The following DPP6 variants were observed in gnomAD, a reference collection of about 807,000 sequenced individuals.
The protein encoded by DPP6 is A-type potassium channel modulatory protein DPP6.
A neutral mutation model predicts 122.6 loss-of-function variants in DPP6; 69 were observed. The observed-to-expected ratio is 0.56, with a 90% CI of 0.46 to 0.69. The LOEUF (loss-of-function observed/expected upper bound fraction) is 0.69, where lower values mean the gene tolerates loss of function less well. DPP6 is among the 30% of genes least tolerant of loss of function. The pLI is 0.00. For synonymous variants in DPP6, 418 were observed against 433.1 expected (o/e 0.97, Z 0.43); for missense variants, 928 against 1,116.9 (o/e 0.83, Z 2.41).
intron 1 of DPP6, among the ~76,000 whole-genome samples, chr7:154,401,338 A>G (rs1815579713): frequency 6.6e-6 from 1 of 152,232 alleles, no homozygotes; most frequent in African/African-American, 2.4e-5. Context: ...ACATTTTAAA[A>G]TAATGACAAC....
chr7:154,847,612 C>A (rs540282228), intron 16 of DPP6, among the ~76,000 whole-genome samples: 4 of 152,168 alleles, frequency 2.6e-5, no homozygotes, highest in Admixed American at 1.3e-4. Flanking sequence ...GTGGAATGAT[C>A]AAATCAGGCT....
chr7:154,869,835 GCCCCCA>G (rs58787412), intron 18 of DPP6, among the ~76,000 whole-genome samples: 3,212 of 107,870 alleles, frequency 0.03, 91 homozygotes, highest in African/African-American at 0.1. Flanking sequence ...ATCCGCTCCC[GCCCCCA>G]CCCCCACCCC....
intron 1 of DPP6, among the ~76,000 whole-genome samples, chr7:153,920,563 C>CTCTTTTTTT (rs1163238891): frequency 9.0e-5 from 8 of 88,688 alleles, no homozygotes; most frequent in African/African-American, 3.7e-4. Context: ...TTATCTCTCT[C>CTCTTTTTTT]TTTTTTTTTT....
intron 1 of DPP6, among the ~76,000 whole-genome samples, chr7:154,357,004 G>A: frequency 6.6e-6 from 1 of 152,060 alleles, no homozygotes; most frequent in East Asian, 1.9e-4. Flanking sequence ...ATAATTAAAA[G>A]TTTATTGGAC....
intron 5 of DPP6, among the ~76,000 whole-genome samples, chr7:154,631,590 A>C (rs1400133941): frequency 1.3e-5 from 2 of 151,896 alleles, no homozygotes; most frequent in Non-Finnish European, 2.9e-5. Flanking sequence ...TCACTTGAGC[A>C]TGGGAGGCAG....
chr7:153,985,245 G>T (rs1796782961), intron 1 of DPP6, among the ~76,000 whole-genome samples: 1 of 152,228 alleles, frequency 6.6e-6, no homozygotes, highest in Non-Finnish European at 1.5e-5. Flanking sequence ...GAGACACTTT[G>T]AAGGGGTACA....
intron 3 of DPP6, among the ~76,000 whole-genome samples, chr7:154,509,105 A>C (rs1475279438): frequency 6.6e-6 from 1 of 152,174 alleles, no homozygotes; most frequent in Non-Finnish European, 1.5e-5. Flanking sequence ...AAAAAGCAAA[A>C]ACAACAAAAG....
chr7:154,192,142 T>G (rs1242215434), intron 1 of DPP6, among the ~76,000 whole-genome samples: 1 of 152,236 alleles, frequency 6.6e-6, no homozygotes, highest in African/African-American at 2.4e-5. Context: ...TAGTTCAAGA[T>G]GCCTTGTCTT....
At chr7:154,650,110 A>G (rs1379788810) in intron 6 of DPP6, among the ~76,000 whole-genome samples, 1 of 152,210 alleles carries the variant, frequency 6.6e-6, no homozygotes, top group East Asian at 1.9e-4. Flanking sequence ...TCTTGAGCCC[A>G]GGAGTTTGAG....
intron 1 of DPP6, among the ~76,000 whole-genome samples, chr7:154,351,530 CCACCTG>C (rs574135579): frequency 6.6e-6 from 1 of 152,164 alleles, no homozygotes; most frequent in Non-Finnish European, 1.5e-5. Flanking sequence ...GTCAGCACCC[CCACCTG>C]CACCTGCACC....
chr7:154,252,138 T>C (rs1249310475), intron 1 of DPP6, among the ~76,000 whole-genome samples: 1 of 152,214 alleles, frequency 6.6e-6, no homozygotes, highest in Non-Finnish European at 1.5e-5. Flanking sequence ...ACACATCCTA[T>C]TGGTTGTATT....
intron 1 of DPP6, among the ~76,000 whole-genome samples, chr7:154,118,003 A>G (rs1807123387): frequency 6.6e-6 from 1 of 151,264 alleles, no homozygotes. Context: ...GAGAAGAACT[A>G]CAATCTGGTT....
At chr7:153,827,737 A>C in the DPP6 span, among the ~76,000 whole-genome samples, 1 of 152,040 alleles carries the variant, frequency 6.6e-6, no homozygotes, top group Admixed American at 6.5e-5. Context: ...GCCAGGCTGC[A>C]ATGTGGCCCC....
chr7:154,141,538 A>C (rs939268049), intron 1 of DPP6, among the ~76,000 whole-genome samples: 2 of 152,216 alleles, frequency 1.3e-5, no homozygotes, highest in African/African-American at 4.8e-5. Flanking sequence ...TTAATCAGTT[A>C]ATCAGCCAGT....
At chr7:154,279,902 G>A (rs775982552) in intron 1 of DPP6, among the ~76,000 whole-genome samples, 1 of 152,100 alleles carries the variant, frequency 6.6e-6, no homozygotes, top group African/African-American at 2.4e-5. Flanking sequence ...AGTAGATTGG[G>A]TTTTTTTACC....
intron 5 of DPP6, among the ~76,000 whole-genome samples, chr7:154,616,536 G>A (rs547771668): frequency 6.6e-6 from 1 of 152,256 alleles, no homozygotes; most frequent in African/African-American, 2.4e-5. Flanking sequence ...GGGCTGGGAG[G>A]CTATGGGAGA....
intron 9 of DPP6, 37 bp from the exon 10 acceptor site, chr7:154,772,804 AAGGC>A: frequency 6.3e-7 from 1 of 1,592,918 alleles, no homozygotes; most frequent in Non-Finnish European, 8.6e-7. Context: ...ACTCTTGTAT[AAGGC>A]TGCTTGTTCA....
chr7:154,212,897 A>G (rs1799814596), intron 1 of DPP6, among the ~76,000 whole-genome samples: 2 of 152,182 alleles, frequency 1.3e-5, no homozygotes, highest in African/African-American at 2.4e-5. Flanking sequence ...TCATCCAGGA[A>G]ACATCTCTGA....
At chr7:153,948,257 G>A (rs941811234) in intron 1 of DPP6, among the ~76,000 whole-genome samples, 7 of 152,134 alleles carry the variant, frequency 4.6e-5, no homozygotes, top group African/African-American at 1.7e-4. Flanking sequence ...CCAGCAGGTG[G>A]CATTTCTATA....
Sources: gnomAD v4.1 joint callset for allele counts (sites outside exome capture counted in the v4.1 genomes callset) on GRCh38, gnomAD v4.1.1 for gene constraint, MANE v1.5 for transcripts, NCBI Gene and HGNC (gene_info 2026-07-23, HGNC 2026-07-21) for gene names.